ATP1B1: variants seen among roughly 807,000 people sequenced by gnomAD.
ATP1B1 encodes sodium/potassium-transporting ATPase subunit beta-1.
Under a neutral mutation model 39.6 loss-of-function variants are expected in ATP1B1, and 3 were observed. That is an observed-to-expected ratio of 0.08 (90% CI 0.03 to 0.20). The LOEUF (loss-of-function observed/expected upper bound fraction) is 0.20. ATP1B1 is among the 10% of genes least tolerant of loss of function. ATP1B1 has a pLI of 1.00. For missense variants in ATP1B1, 216 were observed against 371.1 expected (o/e 0.58, Z 3.43); for synonymous variants, 139 against 135.0 (o/e 1.03, Z -0.20).
At chr1:169,118,868 C>T (rs1657913044) in intron 2 of ATP1B1, among the ~76,000 whole-genome samples, 2 of 152,160 alleles carry the variant, frequency 1.3e-5, no homozygotes, top group South Asian at 4.2e-4. Context: ...GAAATGATTC[C>T]TATTTAGAGA....
chr1:169,126,313 C>A (rs1658083924), intron 3 of ATP1B1, among the ~76,000 whole-genome samples: 1 of 149,796 alleles, frequency 6.7e-6, no homozygotes, highest in South Asian at 2.1e-4. Context: ...GAAAATAGTT[C>A]ATTTGTGAAT....
At chr1:169,116,740 A>G (rs1657855515) in intron 2 of ATP1B1, among the ~76,000 whole-genome samples, 1 of 152,042 alleles carries the variant, frequency 6.6e-6, no homozygotes, top group African/African-American at 2.4e-5. Flanking sequence ...AATCCCAGTT[A>G]CTTGGGAGGC....
At position 169,111,390 on chromosome 1, in the gene ATP1B1, G is replaced by A. The variant is rs147107209; in HGVS notation, c.118G>A (p.Val40Ile). ...GSWFKILLFY[V>I]IFYGCLAGIF... ...TGCAGTTAAGATCCTTCTATTCTACGTAATATTTTATGGCTGCCTGGCTGG... is the reference window on the plus strand; with the variant it reads ...TGCAGTTAAGATCCTTCTATTCTACATAATATTTTATGGCTGCCTGGCTGG... Residue 40 changes from valine (V) to isoleucine (I), a missense_variant, in exon 2 of 6, where the codon GTA becomes ATA. Transcript: ENST00000367815. 4.9e-5 allele frequency: 79 copies of A among 1,613,974 alleles called. No homozygotes were observed. Among genetic ancestry groups the A allele is most frequent in the African/African-American group, 4.5e-4 (34 of 74,890 alleles).
intron 2 of ATP1B1, among the ~76,000 whole-genome samples, chr1:169,121,971 T>G (rs1657988054): frequency 6.6e-6 from 1 of 151,220 alleles, no homozygotes; most frequent in Non-Finnish European, 1.5e-5. Context: ...TTTCTGACAT[T>G]TGCTCTCCTT....
At chr1:169,114,848 A>AC (rs1657805994) in intron 2 of ATP1B1, among the ~76,000 whole-genome samples, 1 of 151,520 alleles carries the variant, frequency 6.6e-6, no homozygotes, top group Non-Finnish European at 1.5e-5. Context: ...ACATAGCAAG[A>AC]CCCCATATCC....
At chr1:169,114,226 C>A (rs1657792137) in intron 2 of ATP1B1, among the ~76,000 whole-genome samples, 1 of 138,390 alleles carries the variant, frequency 7.2e-6, no homozygotes, top group South Asian at 2.4e-4. Context: ...GAAATAACTC[C>A]TTAAGTATGC....
At chr1:169,107,044 C>A (rs1571216780) in intron 1 of ATP1B1, 118 bp downstream of exon 1, 2 of 983,670 alleles carry the variant, frequency 2.0e-6, no homozygotes, top group East Asian at 3.3e-5. Context: ...GTGGCGGGGG[C>A]GAGGGTGGTG....
At position 169,111,493 on chromosome 1, in the gene ATP1B1, C is replaced by T. The variant is rs1002822395; in HGVS notation, c.221C>T (p.Pro74Leu). ...CCCACATATCAGGACCGAGTGGCCC[C>T]GCCAGGTAAAATCCACATGAATAGC... is the stretch of plus-strand genomic sequence containing the variant. ...FKPTYQDRVA[P>L]PGLTQIPQIQ... Residue 74 changes from proline to leucine, a missense_variant, in exon 2 of 6, where the codon CCG becomes CTG. Transcript: ENST00000367815. 7.4e-6 allele frequency: 12 copies of T among 1,613,272 alleles called. No individual in the cohort carries two copies. The highest frequency in any genetic ancestry group is 1.3e-5 in the African/African-American group (1 of 74,878).
chr1:169,127,187 T>C (rs1430375298), intron 3 of ATP1B1, 37 bp from the exon 4 acceptor site: 3 of 1,542,070 alleles, frequency 1.9e-6, no homozygotes, highest in African/African-American at 1.4e-5. Flanking sequence ...CTAAGGGAAT[T>C]GCTGGTACAA....
At position 169,131,342 on chromosome 1, in the gene ATP1B1, C is replaced by A; in HGVS notation, c.699C>A (p.Gly233=). The stretch of plus-strand genomic sequence containing the variant: ...GAAATGTGGAGTATTTTGGACTGGG[C>A]AACTCCCCTGGTTTTCCTCTGCAGT... ...KVGNVEYFGL[G]NSPGFPLQYY... Residue 233 remains glycine, a synonymous_variant, in exon 6 of 6, where the codon GGC becomes GGA. Coordinates refer to ENST00000367815, the MANE Select transcript of ATP1B1 (RefSeq NM_001677.4). This position sits in a 1 kb window ranked among gnomAD's most constrained non-coding sequence, Gnocchi z 4.4. 1 of 1,614,130 alleles carries A rather than the reference C, an allele frequency of 6.2e-7. No individual in the cohort carries two copies. The highest frequency in any genetic ancestry group is 8.5e-7 in the Non-Finnish European group (1 of 1,180,020).
intron 2 of ATP1B1, among the ~76,000 whole-genome samples, chr1:169,122,576 A>C (rs1425920156): frequency 6.6e-6 from 1 of 152,150 alleles, no homozygotes; most frequent in Non-Finnish European, 1.5e-5. Flanking sequence ...ATACTAAAAA[A>C]TTATGGCTTG....
chr1:169,125,300 CCAAGACAG>C (rs1407118655), intron 3 of ATP1B1, among the ~76,000 whole-genome samples: 1 of 151,082 alleles, frequency 6.6e-6, no homozygotes, highest in East Asian at 2.1e-4. Context: ...CTATTCAGAG[CCAAGACAG>C]CAATTCCGGT....
At position 169,130,072 on chromosome 1, in the gene ATP1B1, C is replaced by T. The variant is rs151290623; in HGVS notation, c.630C>T (p.Pro210=). 2.0e-5 allele frequency: 33 copies of T among 1,613,704 alleles called. No individual in the cohort carries two copies. The highest frequency in any genetic ancestry group is 1.7e-4 in the African/African-American group (13 of 74,870). ...TGAAGTATAACCCAAATGTCCTTCC[C>T]GTTCAGTGCACTGGCAAGGTAAAGA... ...PVMKYNPNVL[P]VQCTGKRDED... is the part of the protein sequence containing the mutation. The change falls in exon 5 of 6, where the codon CCC becomes CCT. Residue 210 remains proline, a synonymous_variant. Coordinates refer to ENST00000367815, the MANE Select transcript of ATP1B1 (RefSeq NM_001677.4).
Position 169,131,634 on chromosome 1 carries a change from C to T in ATP1B1, c.*79C>T, listed in dbSNP as rs542160645. 10 of 1,490,824 alleles carry T rather than the reference C, an allele frequency of 6.7e-6. No individual in the cohort carries two copies. Among genetic ancestry groups the T allele is most frequent in the Non-Finnish European group, 9.0e-6 (10 of 1,107,394 alleles). The allele number at this position is 1,490,824 out of a possible 1,614,324, so 92.3% of individuals were successfully genotyped here. ...AAAACAAAAACCTACTAGTCTTGAA[C>T]AAACTGTCATACGTATGGGACCTAC... is the stretch of plus-strand genomic sequence containing the variant. On this transcript the variant is annotated 3_prime_UTR_variant, in exon 6 of 6. Coordinates refer to ENST00000367815, the MANE Select transcript of ATP1B1 (RefSeq NM_001677.4). This position sits in a 1 kb window ranked among gnomAD's most constrained non-coding sequence, Gnocchi z 4.4.
Position 169,131,726 on chromosome 1 carries a change from C to T in ATP1B1, c.*171C>T. On this transcript the variant is annotated 3_prime_UTR_variant, in exon 6 of 6. Transcript: ENST00000367815. This position sits in a 1 kb window ranked among gnomAD's most constrained non-coding sequence, Gnocchi z 4.4. ...GGTTAGAATGTAAATTAAAGTGTAG[C>T]AATAGCAACAAAATATTTATTCTAC... 1 of 761,676 alleles carries T rather than the reference C, an allele frequency of 1.3e-6. No homozygotes were observed. The highest frequency in any genetic ancestry group is 2.0e-6 in the Non-Finnish European group (1 of 506,760). The allele number at this position is 761,676 out of a possible 1,614,324, so 47.2% of individuals were successfully genotyped here.
chr1:169,114,893 TAAAAA>T (rs931628997), intron 2 of ATP1B1, among the ~76,000 whole-genome samples: 1 of 149,706 alleles, frequency 6.7e-6, no homozygotes, highest in Non-Finnish European at 1.5e-5. Context: ...AGTCTCCTGT[TAAAAA>T]AAAAGGGGTG....
chr1:169,110,204 A>T (rs76258813), intron 1 of ATP1B1, among the ~76,000 whole-genome samples: 3,444 of 152,244 alleles, frequency 0.023, 55 homozygotes, highest in Non-Finnish European at 0.039. Context: ...ATGTATGGAC[A>T]GGGCAACAAG....
Position 169,116,091 on chromosome 1 carries a change from A to G in ATP1B1, c.226+4593A>G, listed in dbSNP as rs147711734. 5.3e-5 allele frequency among the ~76,000 whole-genome samples: 8 copies of G among 152,296 alleles called. No individual in the cohort carries two copies. In the East Asian group the frequency reaches 1.4e-3, roughly 26 times the overall value. ...CACGGACATGCAAGCGTGCACACAC[A>G]CGCATGCTCATGGATATACACACAC... On this transcript the variant is annotated intron_variant, in intron 2 of 5. Transcript: ENST00000367815.
chr1:169,128,803 A>C (rs1658141171), intron 4 of ATP1B1, among the ~76,000 whole-genome samples: 1 of 152,200 alleles, frequency 6.6e-6, no homozygotes, highest in African/African-American at 2.4e-5. Context: ...GAGGCAGTCT[A>C]GTCTATTGTG....
Sources: allele counts gnomAD v4.1 joint callset (sites outside exome capture counted in the v4.1 genomes callset), GRCh38; gene constraint gnomAD v4.1.1; non-coding constraint Gnocchi (gnomAD v3.1); transcripts MANE v1.5; gene names NCBI Gene and HGNC (gene_info 2026-07-23, HGNC 2026-07-21).